Variants in RNF130 observed in about 807,000 individuals in gnomAD.
The protein encoded by RNF130 is ring finger protein 130, also known as E3 ubiquitin-protein ligase RNF130.
Under a neutral mutation model 44.6 loss-of-function variants are expected in RNF130, and 21 were observed. That is an observed-to-expected ratio of 0.47 (90% CI 0.33 to 0.68). RNF130 has a LOEUF of 0.68. Ranked by LOEUF, RNF130 falls within the 30% of genes least tolerant of loss-of-function variation. The pLI is 0.02. For missense variants in RNF130, 479 were observed against 560.6 expected, an observed-to-expected ratio of 0.85 and a Z score of 1.47; for synonymous variants, 214 against 210.4, an observed-to-expected ratio of 1.02 and a Z score of -0.15.
At chr5:180,046,124 G>A (rs559202972) in intron 1 of RNF130, among the ~76,000 whole-genome samples, 7 of 152,262 alleles carry the variant, frequency 4.6e-5, no homozygotes, top group South Asian at 4.1e-4. Flanking sequence ...GCGGTGGACC[G>A]CGGCGCGTGC....
At chr5:179,957,403 C>A (rs751303465) in intron 8 of RNF130, among the ~76,000 whole-genome samples, 4 of 152,166 alleles carry the variant, frequency 2.6e-5, no homozygotes. Flanking sequence ...GAGAGCGAGA[C>A]CCTGTCTCAA....
Position 180,071,326 on chromosome 5 carries a change from C to T in RNF130, c.247+130G>A, listed in dbSNP as rs546961797. The stretch of plus-strand genomic sequence containing the variant: ...GCCGGGCTGTCCACGACGGAAGCCT[C>T]GACCCTGGCTGGGGCTGTCGGCCGG... On this transcript the variant is annotated intron_variant, in intron 1 of 8. Transcript: ENST00000521389. 18 of 916,470 alleles carry T rather than the reference C, an allele frequency of 2.0e-5. No homozygotes were observed. In the Admixed American group the frequency reaches 6.1e-4, roughly 31 times the overall value. 56.8% of individuals were successfully genotyped at this position (916,470 alleles called of 1,614,324 possible).
intron 2 of RNF130, among the ~76,000 whole-genome samples, chr5:180,027,105 C>T (rs1472074830): frequency 6.6e-6 from 1 of 152,160 alleles, no homozygotes; most frequent in Non-Finnish European, 1.5e-5. Flanking sequence ...ACTGCTTCTG[C>T]CCTATGATGA....
At position 179,919,078 on chromosome 5, in the gene RNF130, C is replaced by G. The variant is rs545577374; in HGVS notation, c.*1239G>C. On this transcript the variant is annotated 3_prime_UTR_variant, in exon 8 of 8. Coordinates refer to the RNF130 transcript ENST00000522208. ...CAAGGGTCTGTGCGCCTCACGCCCC[C>G]ACAAAGCTCATGCCAATGAGAGGCA... 3 of 152,324 alleles carry G rather than the reference C, an allele frequency of 2.0e-5. No homozygotes were observed. In the East Asian group the frequency reaches 5.8e-4, roughly 29 times the overall value. The allele number at this position is 152,324 out of a possible 1,614,324, so 9.4% of individuals were successfully genotyped here. A position where few individuals can be genotyped will look rare whatever the true frequency, so the allele number is the denominator to read the frequency against.
At chr5:180,038,181 A>C (rs1764294602) in intron 2 of RNF130, among the ~76,000 whole-genome samples, 1 of 152,162 alleles carries the variant, frequency 6.6e-6, no homozygotes, top group South Asian at 2.1e-4. Flanking sequence ...AAGCCGCCCA[A>C]GCAGCTGGGA....
At chr5:179,916,158 C>G (rs1582118027) in exon 8 of RNF130, 1 of 152,182 alleles carries the variant, frequency 6.6e-6, no homozygotes, top group South Asian at 2.1e-4. Context: ...TTAACGTCAC[C>G]TCGTTTTCCT....
intron 7 of RNF130, among the ~76,000 whole-genome samples, chr5:179,947,523 G>T (rs1312751414): frequency 2.6e-5 from 4 of 152,204 alleles, no homozygotes; most frequent in Non-Finnish European, 4.4e-5. Flanking sequence ...AGACCCTGGG[G>T]GCCAGCTTAT....
intron 3 of RNF130, among the ~76,000 whole-genome samples, chr5:179,981,017 C>T (rs184290781): frequency 9.2e-5 from 14 of 151,956 alleles, no homozygotes; most frequent in African/African-American, 3.1e-4. Flanking sequence ...AGGGGAGGAA[C>T]GTCAGGGAAG....
downstream of RNF130, among the ~76,000 whole-genome samples, chr5:179,954,502 T>A (rs940014523): frequency 2.6e-5 from 4 of 152,186 alleles, no homozygotes; most frequent in Admixed American, 6.5e-5. Context: ...TCTATTTACA[T>A]GAAATGCCCA....
intron 7 of RNF130, among the ~76,000 whole-genome samples, chr5:179,947,194 A>C (rs1762054647): frequency 6.6e-6 from 1 of 152,158 alleles, no homozygotes; most frequent in Non-Finnish European, 1.5e-5. Context: ...AAACAGTTTA[A>C]ACTAGCAATT....
chr5:180,021,074 T>C (rs1207603657), intron 2 of RNF130, among the ~76,000 whole-genome samples: 1 of 104,776 alleles, frequency 9.5e-6, no homozygotes, highest in Non-Finnish European at 2.0e-5. Flanking sequence ...CAACTGATTC[T>C]ACTGCCTCAG....
chr5:179,997,038 T>C (rs867552632), intron 3 of RNF130, among the ~76,000 whole-genome samples: 8 of 152,348 alleles, frequency 5.3e-5, no homozygotes, highest in Admixed American at 3.9e-4. Flanking sequence ...CTCTTGAATC[T>C]ATGTTGGTAT....
At chr5:179,997,377 G>A (rs890723412) in intron 3 of RNF130, among the ~76,000 whole-genome samples, 13 of 152,102 alleles carry the variant, frequency 8.5e-5, no homozygotes, top group African/African-American at 2.7e-4. Flanking sequence ...AGGCTGGAGC[G>A]CACTGGCGCA....
chr5:179,997,678 G>A (rs538731105), intron 3 of RNF130, among the ~76,000 whole-genome samples: 10 of 152,012 alleles, frequency 6.6e-5, no homozygotes, highest in Non-Finnish European at 1.5e-4. Context: ...TGTTACCCAG[G>A]CTAGTCTTGA....
At chr5:179,954,346 G>A (rs1400867012), downstream of RNF130, among the ~76,000 whole-genome samples, 6 of 152,136 alleles carry the variant, frequency 3.9e-5, no homozygotes, top group African/African-American at 9.7e-5. Context: ...CAAGTCAAGC[G>A]TCCATCAGCA....
chr5:179,956,696 C>T (rs2113693703), intron 8 of RNF130, among the ~76,000 whole-genome samples: 1 of 152,336 alleles, frequency 6.6e-6, no homozygotes, highest in East Asian at 1.9e-4. Flanking sequence ...TCCATGCAGC[C>T]TTTTCAGCTC....
intron 3 of RNF130, among the ~76,000 whole-genome samples, chr5:179,981,901 G>A (rs1369358887): frequency 6.6e-6 from 1 of 152,082 alleles, no homozygotes; most frequent in Non-Finnish European, 1.5e-5. Flanking sequence ...AAAATAGACT[G>A]CATATATTTA....
intron 7 of RNF130, among the ~76,000 whole-genome samples, chr5:179,933,059 G>A (rs1191194155): frequency 6.6e-6 from 1 of 152,144 alleles, no homozygotes; most frequent in Non-Finnish European, 1.5e-5. Context: ...GAGCGCAGAG[G>A]AGCGATTACC....
In RNF130 at chr5:180,071,679, G is replaced by A. The variant is rs2113203037; in HGVS notation, c.24C>T (p.Gly8=). 1.4e-6 allele frequency: 2 copies of A among 1,401,004 alleles called. No individual in the cohort carries two copies. Among genetic ancestry groups the A allele is most frequent in the East Asian group, 3.1e-5 (1 of 32,692 alleles). 86.8% of individuals were successfully genotyped at this position (1,401,004 alleles called of 1,614,324 possible). Residue 8 remains glycine (G), a synonymous_variant, in exon 1 of 9, where the codon GGC becomes GGT. Transcript: ENST00000521389. ...GGGCGAGCGCGGCGAGCCGGGCAGG[G>A]CCCGCCCGCCCCGCGCAGCTCATCG... MSCAGRA[G]PARLAALALL... is the part of the protein sequence containing the mutation.
Sources: allele counts gnomAD v4.1 joint callset (sites outside exome capture counted in the v4.1 genomes callset), GRCh38; gene constraint gnomAD v4.1.1; transcripts MANE v1.5; gene names NCBI Gene and HGNC (gene_info 2026-07-23, HGNC 2026-07-21).